AFF3: variants seen among roughly 807,000 people sequenced by gnomAD.
AFF3 encodes ALF transcription elongation factor 3.
In AFF3, 32 loss-of-function variants were observed where a neutral mutation model predicts 129.7. The ratio of observed to expected loss-of-function variants is 0.25; its 90% CI spans 0.19 to 0.33. AFF3 has a LOEUF of 0.33. AFF3 is among the 10% of genes least tolerant of loss of function. The probability of loss-of-function intolerance (pLI) is 1.00; values close to 1 mark genes in which losing one functional copy is unlikely to be tolerated. For synonymous variants in AFF3, 644 were observed against 635.4 expected (o/e 1.01, Z -0.20); for missense variants, 1,373 against 1,592.0 (o/e 0.86, Z 2.34).
chr2:99,651,312 T>A (rs2105632109), intron 12 of AFF3, among the ~76,000 whole-genome samples: 1 of 152,292 alleles, frequency 6.6e-6, no homozygotes, highest in Non-Finnish European at 1.5e-5. Context: ...GGAAGGCAGA[T>A]GGCACACGAT....
At chr2:99,557,914 G>A (rs1032222898) in intron 22 of AFF3, among the ~76,000 whole-genome samples, 3 of 152,192 alleles carry the variant, frequency 2.0e-5, no homozygotes, top group Admixed American at 1.3e-4. Flanking sequence ...ATAATTTCTA[G>A]TTTCTATAGA....
intron 1 of AFF3, among the ~76,000 whole-genome samples, chr2:100,135,679 G>C (rs75984041): frequency 0.044 from 6,685 of 152,296 alleles, 391 homozygotes; most frequent in African/African-American, 0.14. Flanking sequence ...CCATGGTTTA[G>C]GGTAGTTGGT....
intron 13 of AFF3, 98 bp downstream of exon 13, chr2:99,649,528 C>A: frequency 7.4e-7 from 1 of 1,349,826 alleles, no homozygotes; most frequent in Non-Finnish European, 1.1e-6. Context: ...TTCAGAGATA[C>A]TTTAGGGACA....
rs901773495 is a variant in AFF3 at position 100,023,030 on chromosome 2, C to T, written c.54-14098G>A. On this transcript the variant is annotated intron_variant, in intron 4 of 24. Coordinates refer to ENST00000672756, the MANE Select transcript of AFF3 (RefSeq NM_001386135.1). ...AGGCCTCCATTCTGTGGGCCTCCAT[C>T]TGGGTTTCCCAGCTGTCTGGGCCCT... Among the ~76,000 whole-genome samples, 4 of 152,238 alleles carry T rather than the reference C, an allele frequency of 2.6e-5. No homozygotes were observed. In the South Asian group the frequency reaches 8.3e-4, roughly 31 times the overall value.
chr2:99,773,646 T>C (rs1220304200), intron 8 of AFF3, among the ~76,000 whole-genome samples: 4 of 152,154 alleles, frequency 2.6e-5, no homozygotes, highest in African/African-American at 9.7e-5. Flanking sequence ...CTGAAGTGGC[T>C]GATTAAGCTA....
intron 13 of AFF3, among the ~76,000 whole-genome samples, chr2:99,643,349 A>C (rs1413590409): frequency 2.0e-5 from 3 of 152,036 alleles, no homozygotes; most frequent in East Asian, 1.9e-4. Flanking sequence ...TGAGCTACCG[A>C]GCCCAGCCCT....
At chr2:99,851,519 G>T (rs1690140701) in intron 7 of AFF3, among the ~76,000 whole-genome samples, 1 of 152,210 alleles carries the variant, frequency 6.6e-6, no homozygotes. Context: ...CACTGTTTGA[G>T]GCTTCTCATG....
chr2:99,847,630 T>A (rs1203584011), intron 7 of AFF3, among the ~76,000 whole-genome samples: 1 of 151,858 alleles, frequency 6.6e-6, no homozygotes, highest in African/African-American at 2.4e-5. Context: ...GCAGAGTGAG[T>A]CCTTCTGCTT....
At chr2:99,625,553 G>A (rs1343609366) in intron 13 of AFF3, among the ~76,000 whole-genome samples, 7 of 152,138 alleles carry the variant, frequency 4.6e-5, no homozygotes, top group South Asian at 2.1e-4. Context: ...ATTAAACCAT[G>A]TGCAGGAGAT....
chr2:99,559,096 C>A, intron 21 of AFF3, 128 bp from the exon 22 acceptor site: 1 of 745,730 alleles, frequency 1.3e-6, no homozygotes. Flanking sequence ...GGAAATCTTT[C>A]TATACGTGCA....
chr2:100,109,930 C>A (rs976719168), intron 2 of AFF3: 3 of 152,162 alleles, frequency 2.0e-5, no homozygotes, highest in South Asian at 4.1e-4. Flanking sequence ...CATTCTCATG[C>A]TCACAGGCAC....
chr2:100,024,219 A>C lies in AFF3; in HGVS notation c.54-15287T>G, dbSNP rs545313173. Reference sequence around the variant, plus strand: ...TGCACTCCAGCCTGGGCGACAGAGCAAGACTCCGTCTCAAAAAAAAAAAAA... The same window carrying C: ...TGCACTCCAGCCTGGGCGACAGAGCCAGACTCCGTCTCAAAAAAAAAAAAA... On this transcript the variant is annotated intron_variant, in intron 4 of 24. Transcript: ENST00000672756. Among the ~76,000 whole-genome samples the C allele has an allele frequency of 4.1e-5, 5 of 122,964 alleles. No homozygotes were observed. The South Asian group carries it at 1.4e-3, about 36-fold the overall frequency. The allele number at this position is 122,964 out of a possible 152,430, so 80.7% of individuals were successfully genotyped here. A position where few individuals can be genotyped will look rare whatever the true frequency, so the allele number is the denominator to read the frequency against.
intron 8 of AFF3, among the ~76,000 whole-genome samples, chr2:99,755,764 C>G (rs1405849767): frequency 6.6e-6 from 1 of 152,208 alleles, no homozygotes; most frequent in Non-Finnish European, 1.5e-5. Flanking sequence ...CTACTCTGAG[C>G]CAGCTCATTC....
chr2:99,587,290 T>A lies in AFF3; in HGVS notation c.2467-12A>T. 1 of 1,613,840 alleles carries A rather than the reference T, an allele frequency of 6.2e-7. No individual in the cohort carries two copies. Among genetic ancestry groups the A allele is most frequent in the Non-Finnish European group, 8.5e-7 (1 of 1,179,864 alleles). On this transcript the variant is annotated splice_polypyrimidine_tract_variant and intron_variant, in intron 15 of 24. Transcript: ENST00000672756. ...TCTTCGTTGTCACACTGTATGGGAA[T>A]AAACTAAAGTCAATCAGCACTGGAT...
chr2:100,061,863 G>GGC, intron 4 of AFF3, among the ~76,000 whole-genome samples: 1 of 150,524 alleles, frequency 6.6e-6, no homozygotes, highest in South Asian at 2.1e-4. Context: ...GTGGAGGGGG[G>GGC]GGGGGTGCCG....
At chr2:100,136,100 C>T (rs1046066930) in intron 1 of AFF3, among the ~76,000 whole-genome samples, 12 of 152,134 alleles carry the variant, frequency 7.9e-5, no homozygotes, top group African/African-American at 2.2e-4. Context: ...AATTCTGCTT[C>T]GGACATGTTA....
chr2:99,976,696 C>A (rs2871319), intron 7 of AFF3, among the ~76,000 whole-genome samples: 3 of 152,098 alleles, frequency 2.0e-5, no homozygotes, highest in Non-Finnish European at 4.4e-5. Flanking sequence ...CTGATTAATT[C>A]TGCAGTAATG....
At chr2:99,771,409 A>G (rs1168895871) in intron 8 of AFF3, among the ~76,000 whole-genome samples, 1 of 59,980 alleles carries the variant, frequency 1.7e-5, no homozygotes, top group Non-Finnish European at 3.2e-5. Flanking sequence ...TAAAAAATGA[A>G]GAAGAAAAAA....
intron 13 of AFF3, among the ~76,000 whole-genome samples, chr2:99,628,569 T>C (rs1435085864): frequency 6.6e-6 from 1 of 151,948 alleles, no homozygotes; most frequent in Non-Finnish European, 1.5e-5. Context: ...TTTTTTCTTT[T>C]TTCTTGAGAT....
Sources: allele counts gnomAD v4.1 joint callset (sites outside exome capture counted in the v4.1 genomes callset), GRCh38; gene constraint gnomAD v4.1.1; transcripts MANE v1.5; gene names NCBI Gene and HGNC (gene_info 2026-07-23, HGNC 2026-07-21).